HS3ST1: variants seen among roughly 807,000 people sequenced by gnomAD.
The protein encoded by HS3ST1 is heparan sulfate-glucosamine 3-sulfotransferase 1.
HS3ST1 carries 8 observed loss-of-function variants against 20.7 expected under a neutral mutation model. The observed-to-expected ratio is 0.39, with a 90% CI of 0.23 to 0.70. HS3ST1 has a LOEUF of 0.70. Among genes scored for constraint, HS3ST1 ranks in the 30% least tolerant of loss-of-function variants. The probability of loss-of-function intolerance (pLI) is 0.46; values close to 1 mark genes in which losing one functional copy is unlikely to be tolerated. For missense variants in HS3ST1, 436 were observed against 423.4 expected, an observed-to-expected ratio of 1.03 and a Z score of -0.26; for synonymous variants, 205 against 190.4, an observed-to-expected ratio of 1.08 and a Z score of -0.63.
chr4:11,402,829 TG>T (rs1199749384), intron 1 of HS3ST1, among the ~76,000 whole-genome samples: 1 of 152,260 alleles, frequency 6.6e-6, no homozygotes, highest in Non-Finnish European at 1.5e-5. Context: ...GTTAGTGTAG[TG>T]TACATCTGAG....
chr4:11,395,700 A>G lies in HS3ST1; in HGVS notation c.*3382T>C, dbSNP rs967256796. On this transcript the variant is annotated 3_prime_UTR_variant, in exon 2 of 2. Coordinates refer to ENST00000002596, the MANE Select transcript of HS3ST1 (RefSeq NM_005114.4). ...ACCATGTTGGTCAGGCTGGTCTTGAACTCCTGACCTCGTGATTCACCTGTC... is the reference window on the plus strand; with the variant it reads ...ACCATGTTGGTCAGGCTGGTCTTGAGCTCCTGACCTCGTGATTCACCTGTC... The G allele has an allele frequency of 4.0e-5, 6 of 149,192 alleles. No individual in the cohort carries two copies. Among genetic ancestry groups the G allele is most frequent in the Non-Finnish European group, 8.9e-5 (6 of 67,290 alleles). 9.2% of individuals were successfully genotyped at this position (149,192 alleles called of 1,614,324 possible).
At chr4:11,410,744 T>G (rs1160786232) in intron 1 of HS3ST1, among the ~76,000 whole-genome samples, 2 of 151,904 alleles carry the variant, frequency 1.3e-5, no homozygotes, top group African/African-American at 4.8e-5. Flanking sequence ...ATACAAAAAT[T>G]AGCCAGGCGT....
upstream of HS3ST1, among the ~76,000 whole-genome samples, chr4:11,433,744 A>G (rs1711520014): frequency 6.6e-6 from 1 of 152,240 alleles, no homozygotes; most frequent in African/African-American, 2.4e-5. Context: ...GGTACCTCCC[A>G]TATAGCAGCC....
intron 1 of HS3ST1, among the ~76,000 whole-genome samples, chr4:11,420,323 T>C (rs1236249445): frequency 6.6e-6 from 1 of 152,250 alleles, no homozygotes; most frequent in Non-Finnish European, 1.5e-5. Flanking sequence ...CCTCAGAACG[T>C]CATGCTCCAG....
intron 1 of HS3ST1, among the ~76,000 whole-genome samples, chr4:11,419,999 G>C (rs549045416): frequency 6.6e-5 from 10 of 152,236 alleles, no homozygotes; most frequent in African/African-American, 9.6e-5. Context: ...TTATGGCATG[G>C]CTGCAAAGCA....
At chr4:11,408,971 A>G (rs1718541915) in intron 1 of HS3ST1, among the ~76,000 whole-genome samples, 1 of 152,200 alleles carries the variant, frequency 6.6e-6, no homozygotes. Flanking sequence ...TTTTATGTTA[A>G]CCCAGAAGTG....
At chr4:11,433,976 G>A (rs116337584), upstream of HS3ST1, among the ~76,000 whole-genome samples, 559 of 152,320 alleles carry the variant, frequency 3.7e-3, 1 homozygote, top group African/African-American at 0.013. Flanking sequence ...AGCACATGCT[G>A]TTTCTAGCAG....
intron 1 of HS3ST1, among the ~76,000 whole-genome samples, chr4:11,419,624 C>T (rs1300295892): frequency 6.6e-6 from 1 of 151,956 alleles, no homozygotes; most frequent in Non-Finnish European, 1.5e-5. Context: ...CACTTGTATC[C>T]TGGAACTTAA....
At chr4:11,414,295 C>T (rs1404214884) in intron 1 of HS3ST1, 1 of 149,866 alleles carries the variant, frequency 6.7e-6, no homozygotes, top group Non-Finnish European at 1.5e-5. Flanking sequence ...TGTTGTGTCT[C>T]TCTTTGAGTG....
At chr4:11,405,960 T>G (rs977241394) in intron 1 of HS3ST1, among the ~76,000 whole-genome samples, 1 of 152,222 alleles carries the variant, frequency 6.6e-6, no homozygotes, top group Non-Finnish European at 1.5e-5. Flanking sequence ...GTACATTTAA[T>G]GAATCTGGAA....
chr4:11,410,948 T>C (rs1466726505), intron 1 of HS3ST1, among the ~76,000 whole-genome samples: 4 of 152,098 alleles, frequency 2.6e-5, no homozygotes, highest in African/African-American at 9.7e-5. Context: ...AGCCCTGGCA[T>C]TGGGATGAAG....
At chr4:11,431,699 G>A (rs1719209543), upstream of HS3ST1, among the ~76,000 whole-genome samples, 1 of 152,114 alleles carries the variant, frequency 6.6e-6, no homozygotes, top group Non-Finnish European at 1.5e-5. Flanking sequence ...GAGTGAAAAG[G>A]CATGAAATAG....
In HS3ST1 at chr4:11,399,991, G is replaced by A. The variant is rs749830328; in HGVS notation, c.15C>T (p.Leu5=). The A allele has an allele frequency of 2.6e-6, 4 of 1,526,868 alleles. No individual in the cohort carries two copies. Among genetic ancestry groups the A allele is most frequent in the Non-Finnish European group, 3.5e-6 (4 of 1,140,672 alleles). 94.6% of individuals were successfully genotyped at this position (1,526,868 alleles called of 1,614,324 possible). A position where few individuals can be genotyped will look rare whatever the true frequency, so the allele number is the denominator to read the frequency against. ...GGGCCACCAGCAGCACCGCGCCCAG[G>A]AGCAGCGCGGCCATGCTGGACACCA... is the stretch of plus-strand genomic sequence containing the variant. MAAL[L]LGAVLLVAQP... The change falls in exon 2 of 2, where the codon CTC becomes CTT. Residue 5 remains leucine (L), a synonymous_variant. Transcript: ENST00000002596. This position sits in a 1 kb window ranked among gnomAD's most constrained non-coding sequence, Gnocchi z 5.1.
At chr4:11,411,065 C>T (rs1416384886) in intron 1 of HS3ST1, among the ~76,000 whole-genome samples, 1 of 152,074 alleles carries the variant, frequency 6.6e-6, no homozygotes, top group East Asian at 1.9e-4. Context: ...AGCTTTGGCC[C>T]AGGAACTTTT....
chr4:11,432,774 A>G (rs1719229237), upstream of HS3ST1, among the ~76,000 whole-genome samples: 1 of 152,214 alleles, frequency 6.6e-6, no homozygotes, highest in Admixed American at 6.5e-5. Flanking sequence ...AATTAGCTAG[A>G]GCAGTCCGCT....
chr4:11,401,636 G>A (rs1023094273), intron 1 of HS3ST1, among the ~76,000 whole-genome samples: 5 of 152,130 alleles, frequency 3.3e-5, no homozygotes, highest in African/African-American at 4.8e-5. Context: ...GAGCCACTGC[G>A]CCTGGCCTGT....
rs192110272 is a variant in HS3ST1, at chr4:11,400,209, C to T, written c.-108-96G>A. 4,992 of 1,044,300 alleles carry T rather than the reference C, an allele frequency of 4.8e-3. 20 individuals are homozygous for T. The highest frequency in any genetic ancestry group is 5.7e-3 in the Non-Finnish European group (4,337 of 767,606). 64.7% of individuals were successfully genotyped at this position (1,044,300 alleles called of 1,614,324 possible). The stretch of plus-strand genomic sequence containing the variant: ...CACTCTGTAGTGAGGCCTATATTCA[C>T]CTCCCCAGGACTCTCAGTTTCTTAT... On this transcript the variant is annotated intron_variant, in intron 1 of 1. Coordinates refer to ENST00000002596, the MANE Select transcript of HS3ST1 (RefSeq NM_005114.4).
intron 1 of HS3ST1, among the ~76,000 whole-genome samples, chr4:11,425,378 TATTA>T (rs1352279773): frequency 2.0e-5 from 3 of 152,306 alleles, no homozygotes; most frequent in Admixed American, 1.3e-4. Context: ...TTAAAAAAAT[TATTA>T]ATTAACATCA....
At chr4:11,403,386 G>A (rs1323340131) in intron 1 of HS3ST1, among the ~76,000 whole-genome samples, 2 of 152,152 alleles carry the variant, frequency 1.3e-5, no homozygotes, top group Admixed American at 1.3e-4. Context: ...CCCAAGCTCA[G>A]GTGAACCTGT....
Sources: gnomAD v4.1 joint callset for allele counts (sites outside exome capture counted in the v4.1 genomes callset) on GRCh38, gnomAD v4.1.1 for gene constraint, Gnocchi (gnomAD v3.1) non-coding constraint, MANE v1.5 for transcripts, NCBI Gene and HGNC (gene_info 2026-07-23, HGNC 2026-07-21) for gene names.